LUC7L: variants seen among roughly 807,000 people sequenced by gnomAD.
LUC7L encodes the protein LUC7 like, also known as putative RNA-binding protein Luc7-like 1.
Under a neutral mutation model 51.1 loss-of-function variants are expected in LUC7L, and 29 were observed. That is an observed-to-expected ratio of 0.57 (90% CI 0.42 to 0.77). The LOEUF (loss-of-function observed/expected upper bound fraction) is 0.77, where lower values mean the gene tolerates loss of function less well. LUC7L is among the 30% of genes least tolerant of loss of function. The pLI is 0.00. For synonymous variants in LUC7L, 181 were observed against 180.7 expected, an observed-to-expected ratio of 1.00 and a Z score of -0.01; for missense variants, 403 against 511.9, an observed-to-expected ratio of 0.79 and a Z score of 2.05.
At chr16:205,956 G>A in intron 5 of LUC7L, 48 bp downstream of exon 5, 1 of 1,576,504 alleles carries the variant, frequency 6.3e-7, no homozygotes, top group South Asian at 1.2e-5. Flanking sequence ...GGTCAACGCT[G>A]CCAAATTACT....
chr16:218,249 C>G (rs375338107), intron 3 of LUC7L, among the ~76,000 whole-genome samples: 19 of 152,002 alleles, frequency 1.2e-4, no homozygotes, highest in African/African-American at 4.6e-4. Context: ...GTAATGCAAG[C>G]GGAGGGACCC....
chr16:218,183 C>T (rs2049862365), intron 3 of LUC7L, among the ~76,000 whole-genome samples: 1 of 151,434 alleles, frequency 6.6e-6, no homozygotes, highest in South Asian at 2.1e-4. Context: ...ACAACAGTGA[C>T]ACTCCGTCTC....
At position 190,575 on chromosome 16, in the gene LUC7L, A is replaced by G; in HGVS notation, c.777-5T>C. On this transcript the variant is annotated splice_region_variant and splice_polypyrimidine_tract_variant and intron_variant, in intron 7 of 9. Coordinates refer to ENST00000293872, the MANE Select transcript of LUC7L (RefSeq NM_201412.3). Reference sequence around the variant, plus strand: ...TCTCTGGTTCTTGATCCCGACCTAAAAGGGGGAAAAAAAGATGAACAAGGC... The same window carrying G: ...TCTCTGGTTCTTGATCCCGACCTAAGAGGGGGAAAAAAAGATGAACAAGGC... The G allele has an allele frequency of 1.2e-6, 2 of 1,612,942 alleles. No homozygotes were observed. Among genetic ancestry groups the G allele is most frequent in the South Asian group, 2.2e-5 (2 of 91,028 alleles).
chr16:202,042 C>T (rs1259947638), intron 5 of LUC7L, among the ~76,000 whole-genome samples: 1 of 152,016 alleles, frequency 6.6e-6, no homozygotes, highest in Non-Finnish European at 1.5e-5. Context: ...CCGTGCCCGG[C>T]CATATTTTTA....
intron 6 of LUC7L, 114 bp from the exon 7 acceptor site, chr16:193,129 G>A (rs1183437521): frequency 2.3e-6 from 2 of 852,952 alleles, no homozygotes; most frequent in Admixed American, 3.7e-5. Flanking sequence ...AAAATTGAAG[G>A]GACACTTTTA....
At chr16:220,773 G>A in intron 2 of LUC7L, 26 bp from the exon 3 acceptor site, 2 of 1,487,776 alleles carry the variant, frequency 1.3e-6, no homozygotes, top group Non-Finnish European at 1.9e-6. Flanking sequence ...AGAAAATGCA[G>A]ACCTCAGTGC....
chr16:221,967 G>C (rs111447305), intron 2 of LUC7L, among the ~76,000 whole-genome samples: 71 of 152,226 alleles, frequency 4.7e-4, no homozygotes, highest in African/African-American at 1.6e-3. Flanking sequence ...CATTTTCTTA[G>C]CCTGGGAAAT....
chr16:191,855 C>T (rs1169877899), intron 7 of LUC7L, among the ~76,000 whole-genome samples: 3 of 152,150 alleles, frequency 2.0e-5, no homozygotes, highest in Non-Finnish European at 4.4e-5. Flanking sequence ...AAAACAAACA[C>T]AATAAACATT....
rs1596587709 is a variant in LUC7L at position 190,419 on chromosome 16, T to C, written c.806+122A>G. On this transcript the variant is annotated intron_variant, in intron 8 of 9. Coordinates refer to ENST00000293872, the MANE Select transcript of LUC7L (RefSeq NM_201412.3). ...CGGCACCAAGCAACCTCTTGCCCTG[T>C]GCCCTTCACAAGCCAGCCCTACCTG... 7.5e-6 allele frequency: 8 copies of C among 1,067,078 alleles called. No individual in the cohort carries two copies. The East Asian group carries it at 1.7e-4, about 22-fold the overall frequency. 66.1% of individuals were successfully genotyped at this position (1,067,078 alleles called of 1,614,324 possible). A position where few individuals can be genotyped will look rare whatever the true frequency, so the allele number is the denominator to read the frequency against.
chr16:194,199 G>T (rs1160731775), intron 6 of LUC7L, among the ~76,000 whole-genome samples: 1 of 152,068 alleles, frequency 6.6e-6, no homozygotes, highest in African/African-American at 2.4e-5. Context: ...GACCTCCCAG[G>T]CTCAAGCAAG....
At chr16:224,446 G>A (rs1370250259) in intron 2 of LUC7L, among the ~76,000 whole-genome samples, 1 of 151,336 alleles carries the variant, frequency 6.6e-6, no homozygotes, top group Non-Finnish European at 1.5e-5. Flanking sequence ...TTGAGCCCGG[G>A]AGGCGGAGCT....
At chr16:201,052 C>G (rs149781157) in intron 5 of LUC7L, among the ~76,000 whole-genome samples, 57 of 151,306 alleles carry the variant, frequency 3.8e-4, no homozygotes, top group African/African-American at 1.2e-3. Flanking sequence ...CACCTGTAAT[C>G]CCAGCTACTC....
rs530173406 is a variant in LUC7L at position 203,081 on chromosome 16, T to C, written c.510+2923A>G. Among the ~76,000 whole-genome samples, 17 of 151,966 alleles carry C rather than the reference T, an allele frequency of 1.1e-4. No homozygotes were observed. The South Asian group carries it at 1.2e-3, about 11-fold the overall frequency. On this transcript the variant is annotated intron_variant, in intron 5 of 9. Transcript: ENST00000293872. Reference sequence around the variant, plus strand: ...CAGGATAATCAGTTGAACCCAGGAGTTGGAGGTTGCAGCGAGCCATCGCAC... The same window carrying C: ...CAGGATAATCAGTTGAACCCAGGAGCTGGAGGTTGCAGCGAGCCATCGCAC...
chr16:206,540 T>C (rs1470283561), intron 4 of LUC7L, among the ~76,000 whole-genome samples: 11 of 152,124 alleles, frequency 7.2e-5, no homozygotes, highest in Admixed American at 5.9e-4. Context: ...GTTGGTCAAA[T>C]TAGCAATTGC....
At chr16:223,586 G>T (rs769191873) in intron 2 of LUC7L, among the ~76,000 whole-genome samples, 10 of 152,128 alleles carry the variant, frequency 6.6e-5, no homozygotes, top group Admixed American at 1.3e-4. Flanking sequence ...CTTAGAGATA[G>T]GACAATAGTG....
intron 1 of LUC7L, chr16:228,131 A>G: frequency 3.5e-6 from 4 of 1,134,746 alleles, no homozygotes; most frequent in Non-Finnish European, 4.4e-6. Flanking sequence ...TATGTGACAA[A>G]TTTTAAAGCT....
At chr16:202,051 T>A (rs1485297389) in intron 5 of LUC7L, among the ~76,000 whole-genome samples, 1 of 151,980 alleles carries the variant, frequency 6.6e-6, no homozygotes, top group Non-Finnish European at 1.5e-5. Context: ...GCCATATTTT[T>A]AATTTCTTTG....
intron 5 of LUC7L, among the ~76,000 whole-genome samples, chr16:205,363 A>G (rs555628789): frequency 6.6e-6 from 1 of 152,302 alleles, no homozygotes; most frequent in East Asian, 1.9e-4. Context: ...AGACTTGTGT[A>G]TATTTTATGG....
At chr16:225,415 G>C (rs1233605433) in intron 2 of LUC7L, among the ~76,000 whole-genome samples, 1 of 151,460 alleles carries the variant, frequency 6.6e-6, no homozygotes, top group Non-Finnish European at 1.5e-5. Flanking sequence ...GAACCTGGGA[G>C]GCAGAGGTTG....
Sources: allele counts gnomAD v4.1 joint callset (sites outside exome capture counted in the v4.1 genomes callset), GRCh38; gene constraint gnomAD v4.1.1; transcripts MANE v1.5; gene names NCBI Gene and HGNC (gene_info 2026-07-23, HGNC 2026-07-21).